Variants in CA1 observed in about 807,000 individuals in gnomAD.
CA1 encodes the protein carbonate dehydratase I.
In CA1, 27 loss-of-function variants were observed where a neutral mutation model predicts 28.8. The observed-to-expected ratio is 0.94, with a 90% CI of 0.69 to 1.29. CA1 has a LOEUF of 1.29. Ranked by LOEUF, CA1 falls within the 50% of genes most tolerant of loss-of-function variation. The pLI, the probability that CA1 is intolerant of heterozygous loss-of-function variation, is 0.00. For missense variants in CA1, 335 were observed against 310.5 expected (o/e 1.08, Z -0.59); for synonymous variants, 121 against 108.8 (o/e 1.11, Z -0.70).
At chr8:85,377,694 T>G (rs1810469563) in intron 1 of CA1, among the ~76,000 whole-genome samples, 1 of 151,944 alleles carries the variant, frequency 6.6e-6, no homozygotes, top group Admixed American at 6.6e-5. Flanking sequence ...TCCCAGCTAC[T>G]CGGGAGGCTG....
chr8:85,376,438 GATC>G (rs1350857710), intron 1 of CA1, among the ~76,000 whole-genome samples: 2 of 152,048 alleles, frequency 1.3e-5, no homozygotes, highest in African/African-American at 4.8e-5. Flanking sequence ...GAGGTAGGCG[GATC>G]ATCAGAGGTC....
At chr8:85,356,409 T>C (rs996527182) in intron 1 of CA1, among the ~76,000 whole-genome samples, 4 of 152,070 alleles carry the variant, frequency 2.6e-5, no homozygotes, top group Admixed American at 6.5e-5. Context: ...TGATAATAAT[T>C]ATTATTATAT....
chr8:85,347,682 C>T (rs1007415816), intron 1 of CA1, among the ~76,000 whole-genome samples: 2 of 152,136 alleles, frequency 1.3e-5, no homozygotes, highest in African/African-American at 4.8e-5. Flanking sequence ...CATTTGAGTG[C>T]TGGGCTTCTC....
chr8:85,377,327 G>T (rs1810456513), intron 1 of CA1, among the ~76,000 whole-genome samples: 1 of 152,126 alleles, frequency 6.6e-6, no homozygotes, highest in Non-Finnish European at 1.5e-5. Context: ...AAACTTGCAA[G>T]ATGTATAAAA....
chr8:85,363,007 G>C (rs1809857723), intron 1 of CA1, among the ~76,000 whole-genome samples: 1 of 152,266 alleles, frequency 6.6e-6, no homozygotes, highest in South Asian at 2.1e-4. Flanking sequence ...AAGAAAGTCA[G>C]GGTAATGTGA....
chr8:85,360,954 C>CT (rs558615237), intron 1 of CA1, among the ~76,000 whole-genome samples: 134 of 152,324 alleles, frequency 8.8e-4, no homozygotes, highest in African/African-American at 3.0e-3. Context: ...CCACCAGGCC[C>CT]TGGGGAGACC....
chr8:85,356,535 T>G (rs1221912813), intron 1 of CA1, among the ~76,000 whole-genome samples: 1 of 152,172 alleles, frequency 6.6e-6, no homozygotes, highest in African/African-American at 2.4e-5. Context: ...TTAGAATACG[T>G]TTTAATGGTT....
intron 1 of CA1, among the ~76,000 whole-genome samples, chr8:85,361,345 T>A (rs780580928): frequency 1.2e-4 from 18 of 152,086 alleles, no homozygotes; most frequent in Non-Finnish European, 1.6e-4. Flanking sequence ...ATGTGTCAAA[T>A]ACGTTTAAAA....
rs1243557672 is a variant in CA1, at chr8:85,327,678, C to A, written c.*882G>T. On this transcript the variant is annotated 3_prime_UTR_variant, in exon 8 of 8. Transcript: ENST00000523022. The stretch of plus-strand genomic sequence containing the variant: ...AAAACAAACAAACAAACAGAAAACA[C>A]CACACTATACTCCATAAACATGTAC... 6.6e-6 allele frequency: 1 copy of A among 151,998 alleles called. No homozygotes were observed. The highest frequency in any genetic ancestry group is 1.5e-5 in the Non-Finnish European group (1 of 68,016). 9.4% of individuals were successfully genotyped at this position (151,998 alleles called of 1,614,324 possible). A position where few individuals can be genotyped will look rare whatever the true frequency, so the allele number is the denominator to read the frequency against.
chr8:85,331,579 C>G (rs1808403958), intron 6 of CA1, among the ~76,000 whole-genome samples: 1 of 152,066 alleles, frequency 6.6e-6, no homozygotes, highest in South Asian at 2.1e-4. Flanking sequence ...GGCTCAATCT[C>G]CTGATTAGCT....
rs555855149 is a variant in CA1 at position 85,333,491 on chromosome 8, T to C, written c.450+34A>G. On this transcript the variant is annotated intron_variant, in intron 5 of 7. Coordinates refer to ENST00000523022, the MANE Select transcript of CA1 (RefSeq NM_001128831.4). ...TTTTGAGGTCTAATTGGTAAGACAG[T>C]GGAAGCAGAGCTGTGTAATTATCTG... is the stretch of plus-strand genomic sequence containing the variant. The C allele has an allele frequency of 2.3e-6, 3 of 1,277,602 alleles. No homozygotes were observed. The African/African-American group carries it at 4.4e-5, about 19-fold the overall frequency. 79.1% of individuals were successfully genotyped at this position (1,277,602 alleles called of 1,614,324 possible). A position where few individuals can be genotyped will look rare whatever the true frequency, so the allele number is the denominator to read the frequency against.
intron 1 of CA1, among the ~76,000 whole-genome samples, chr8:85,371,958 AG>A (rs758390692): frequency 2.6e-5 from 4 of 152,306 alleles, no homozygotes; most frequent in Middle Eastern, 3.4e-3. Flanking sequence ...CTGGGTGTTG[AG>A]GACAGAAGAT....
chr8:85,342,912 T>C (rs1463855402), intron 1 of CA1: 1 of 152,174 alleles, frequency 6.6e-6, no homozygotes, highest in African/African-American at 2.4e-5. Context: ...TGATGGTTCG[T>C]TGTCTCATAT....
chr8:85,358,839 G>A (rs960381933), intron 1 of CA1, among the ~76,000 whole-genome samples: 11 of 152,194 alleles, frequency 7.2e-5, no homozygotes, highest in African/African-American at 2.7e-4. Context: ...GCAAGGTGCT[G>A]GCATTCCAGC....
chr8:85,345,563 A>G (rs1260536283), intron 1 of CA1, among the ~76,000 whole-genome samples: 1 of 152,152 alleles, frequency 6.6e-6, no homozygotes, highest in Non-Finnish European at 1.5e-5. Flanking sequence ...GTGGTGCTCA[A>G]TAGACACTTA....
chr8:85,368,678 TA>T (rs1473211304), intron 1 of CA1, among the ~76,000 whole-genome samples: 2 of 152,112 alleles, frequency 1.3e-5, no homozygotes, highest in Non-Finnish European at 2.9e-5. Flanking sequence ...TCATTGTTCT[TA>T]AAATTAAACT....
chr8:85,358,730 G>A (rs759558631), intron 1 of CA1, among the ~76,000 whole-genome samples: 4 of 152,168 alleles, frequency 2.6e-5, no homozygotes, highest in Non-Finnish European at 4.4e-5. Context: ...CGAACAACAC[G>A]AGCGAAGGCT....
intron 1 of CA1, among the ~76,000 whole-genome samples, chr8:85,354,838 T>C (rs1444716042): frequency 6.6e-6 from 1 of 152,206 alleles, no homozygotes; most frequent in African/African-American, 2.4e-5. Flanking sequence ...TATGAACCTG[T>C]CTTTTCTGGA....
At chr8:85,350,024 T>G (rs907202031) in intron 1 of CA1, 1 of 152,222 alleles carries the variant, frequency 6.6e-6, no homozygotes, top group Non-Finnish European at 1.5e-5. Flanking sequence ...GTTTCCTTTA[T>G]GCAAAAGGTT....
Sources: gnomAD v4.1 joint callset for allele counts (sites outside exome capture counted in the v4.1 genomes callset) on GRCh38, gnomAD v4.1.1 for gene constraint, MANE v1.5 for transcripts, NCBI Gene and HGNC (gene_info 2026-07-23, HGNC 2026-07-21) for gene names.